The following DNER variants were observed in gnomAD, a reference collection of about 807,000 sequenced individuals.
DNER encodes the protein delta/notch like EGF repeat containing, also known as delta and Notch-like epidermal growth factor-related receptor.
In DNER, 33 loss-of-function variants were observed where a neutral mutation model predicts 78.2. The observed-to-expected ratio is 0.42, with a 90% CI of 0.32 to 0.56. The LOEUF (loss-of-function observed/expected upper bound fraction) is 0.56, where lower values mean the gene tolerates loss of function less well. Ranked by LOEUF, DNER falls within the 20% of genes least tolerant of loss-of-function variation. The pLI is 0.11. For missense variants in DNER, 918 were observed against 975.3 expected, an observed-to-expected ratio of 0.94 and a Z score of 0.78; for synonymous variants, 417 against 384.8, an observed-to-expected ratio of 1.08 and a Z score of -0.98.
intron 6 of DNER, among the ~76,000 whole-genome samples, chr2:229,493,231 T>C (rs187920793): frequency 2.6e-5 from 4 of 152,278 alleles, no homozygotes; most frequent in Admixed American, 2.6e-4. Context: ...AAATCACCAA[T>C]TAGTAGGAAC....
chr2:229,641,556 C>T (rs1194554778), intron 1 of DNER, among the ~76,000 whole-genome samples: 2 of 133,708 alleles, frequency 1.5e-5, no homozygotes, highest in Non-Finnish European at 3.1e-5. Context: ...TAATTTCATA[C>T]CCCAGATCTG....
intron 7 of DNER, among the ~76,000 whole-genome samples, chr2:229,465,657 A>C (rs756400604): frequency 1.3e-5 from 2 of 152,232 alleles, no homozygotes; most frequent in Non-Finnish European, 2.9e-5. Flanking sequence ...ATATGCATTT[A>C]AACAAGATCA....
chr2:229,515,635 C>CTTTTTTTTTTTT (rs1409850665), intron 5 of DNER, among the ~76,000 whole-genome samples: 1 of 123,252 alleles, frequency 8.1e-6, no homozygotes. Flanking sequence ...TTCAAGTTAG[C>CTTTTTTTTTTTT]TTTATTTTTT....
chr2:229,424,368 C>T (rs1693830081), intron 8 of DNER, among the ~76,000 whole-genome samples: 1 of 152,210 alleles, frequency 6.6e-6, no homozygotes, highest in South Asian at 2.1e-4. Flanking sequence ...CCTGTGTGTT[C>T]TTCCTTCTTT....
intron 1 of DNER, among the ~76,000 whole-genome samples, chr2:229,668,215 A>G (rs1389172007): frequency 6.6e-6 from 1 of 151,906 alleles, no homozygotes; most frequent in Non-Finnish European, 1.5e-5. Context: ...TCAACCTTCT[A>G]ATTGGAGGTC....
intron 11 of DNER, among the ~76,000 whole-genome samples, chr2:229,377,822 G>C (rs1692641444): frequency 6.6e-6 from 1 of 152,182 alleles, no homozygotes; most frequent in Non-Finnish European, 1.5e-5. Context: ...AGATACCATT[G>C]GTGGGTGGTA....
chr2:229,409,007 C>G (rs1693450362), intron 9 of DNER, among the ~76,000 whole-genome samples: 1 of 152,160 alleles, frequency 6.6e-6, no homozygotes, highest in East Asian at 1.9e-4. Flanking sequence ...TCCTCTGTCT[C>G]CAGGGACTTG....
rs73998248 is a variant in DNER at position 229,487,439 on chromosome 2, C to T, written c.1148-10186G>A. ...TCTATATCTTTTAATCTGATGATTC[C>T]GAAGAGGAAGATAATTCAATACTTA... On this transcript the variant is annotated intron_variant, in intron 6 of 12. Transcript: ENST00000341772. Among the ~76,000 whole-genome samples, 974 of 152,106 alleles carry T rather than the reference C, an allele frequency of 6.4e-3. 8 individuals are homozygous for T. Among genetic ancestry groups the T allele is most frequent in the African/African-American group, 0.021 (887 of 41,458 alleles).
chr2:229,489,682 C>T (rs557901342), intron 6 of DNER, among the ~76,000 whole-genome samples: 35 of 151,872 alleles, frequency 2.3e-4, no homozygotes, highest in Admixed American at 1.8e-3. Flanking sequence ...GGAGCCATTG[C>T]TACCCAAGGC....
intron 1 of DNER, among the ~76,000 whole-genome samples, chr2:229,690,383 A>G (rs1699549784): frequency 6.6e-6 from 1 of 152,222 alleles, no homozygotes; most frequent in Non-Finnish European, 1.5e-5. Context: ...TACAATCTGG[A>G]TAGCTTTGGA....
chr2:229,495,572 C>A (rs1421845867), intron 6 of DNER, among the ~76,000 whole-genome samples: 2 of 152,186 alleles, frequency 1.3e-5, no homozygotes, highest in Non-Finnish European at 2.9e-5. Flanking sequence ...AGGAGGAATT[C>A]CCTCTTACTC....
At chr2:229,581,076 G>A (rs1376651963) in intron 4 of DNER, among the ~76,000 whole-genome samples, 1 of 152,108 alleles carries the variant, frequency 6.6e-6, no homozygotes, top group East Asian at 1.9e-4. Flanking sequence ...TATGCCTGAG[G>A]ACAGGAGGCA....
intron 11 of DNER, among the ~76,000 whole-genome samples, chr2:229,387,863 C>CTGTGTGTGTG (rs34029070): frequency 2.5e-5 from 3 of 120,572 alleles, no homozygotes; most frequent in Admixed American, 1.6e-4. Flanking sequence ...AATTTGCATT[C>CTGTGTGTGTG]TGTGTGTGTG....
At chr2:229,415,463 G>A (rs925555665) in intron 9 of DNER, among the ~76,000 whole-genome samples, 3 of 152,132 alleles carry the variant, frequency 2.0e-5, no homozygotes, top group African/African-American at 7.2e-5. Context: ...AGCCAGTACC[G>A]GGTACTGATT....
chr2:229,362,389 C>A (rs1333746467), intron 12 of DNER, among the ~76,000 whole-genome samples: 1 of 152,206 alleles, frequency 6.6e-6, no homozygotes, highest in East Asian at 1.9e-4. Flanking sequence ...AACCTTCATG[C>A]ATGTGACGAC....
intron 8 of DNER, among the ~76,000 whole-genome samples, chr2:229,447,101 C>T (rs1694357473): frequency 6.6e-6 from 1 of 151,982 alleles, no homozygotes; most frequent in African/African-American, 2.4e-5. Flanking sequence ...TTTAACCCTG[C>T]CAAGAGTAAA....
intron 1 of DNER, chr2:229,606,277 C>G (rs1218888001): frequency 6.6e-6 from 1 of 152,028 alleles, no homozygotes; most frequent in Non-Finnish European, 1.5e-5. Context: ...AGCAGGCTTT[C>G]TGGTTTTTAC....
intron 1 of DNER, among the ~76,000 whole-genome samples, chr2:229,693,262 CT>C (rs1219548386): frequency 1.3e-5 from 2 of 151,690 alleles, no homozygotes; most frequent in South Asian, 4.2e-4. Flanking sequence ...TTTGCTTCCC[CT>C]TCCATCATGA....
In DNER at chr2:229,574,356, C is replaced by T. The variant is rs555697502; in HGVS notation, c.847+11502G>A. On this transcript the variant is annotated intron_variant, in intron 4 of 12. Coordinates refer to ENST00000341772, the MANE Select transcript of DNER (RefSeq NM_139072.4). ...AGAAAGGAAGGAACGAATTGTGTAACGATAGCCTATTGATAATAAATTATA... is the reference window on the plus strand; with the variant it reads ...AGAAAGGAAGGAACGAATTGTGTAATGATAGCCTATTGATAATAAATTATA... 1.1e-4 allele frequency among the ~76,000 whole-genome samples: 16 copies of T among 152,148 alleles called. 1 individual carries two copies. The South Asian group carries it at 2.7e-3, about 26-fold the overall frequency.
Sources: gnomAD v4.1 joint callset for allele counts (sites outside exome capture counted in the v4.1 genomes callset) on GRCh38, gnomAD v4.1.1 for gene constraint, MANE v1.5 for transcripts, NCBI Gene and HGNC (gene_info 2026-07-23, HGNC 2026-07-21) for gene names.